Variants in PDE2A observed in about 807,000 individuals in gnomAD.
PDE2A encodes the protein phosphodiesterase 2A, also known as cGMP-dependent 3',5'-cyclic phosphodiesterase.
PDE2A carries 53 observed loss-of-function variants against 133.6 expected under a neutral mutation model. The observed-to-expected ratio is 0.40, with a 90% CI of 0.32 to 0.50. The LOEUF (loss-of-function observed/expected upper bound fraction) is 0.50, where lower values mean the gene tolerates loss of function less well. Ranked by LOEUF, PDE2A falls within the 20% of genes least tolerant of loss-of-function variation. The pLI, the probability that PDE2A is intolerant of heterozygous loss-of-function variation, is 0.73. For synonymous variants in PDE2A, 491 were observed against 490.2 expected (o/e 1.00, Z -0.02); for missense variants, 796 against 1,232.4 (o/e 0.65, Z 5.30).
At chr11:72,669,156 C>G (rs1591150221) in intron 1 of PDE2A, 1 of 163,170 alleles carries the variant, frequency 6.1e-6, no homozygotes, top group African/African-American at 2.4e-5. Flanking sequence ...GACCACACAG[C>G]TACAGAGTAA....
chr11:72,577,199 T>C lies in PDE2A; in HGVS notation c.*185A>G. The C allele has an allele frequency of 1.7e-6, 1 of 588,770 alleles. No homozygotes were observed. The highest frequency in any genetic ancestry group is 3.0e-6 in the Non-Finnish European group (1 of 331,586). 36.5% of individuals were successfully genotyped at this position (588,770 alleles called of 1,614,324 possible). On this transcript the variant is annotated 3_prime_UTR_variant, in exon 31 of 31. Coordinates refer to ENST00000334456, the MANE Select transcript of PDE2A (RefSeq NM_002599.5). ...AACAAATTACAAAGTCTCCGTGAGG[T>C]TGGAAGTCTTGCTTCCATTATACAG...
chr11:72,588,791 C>A lies in PDE2A; in HGVS notation c.1063G>T (p.Gly355Ter), dbSNP rs1354949298. The part of the protein sequence containing the change: ...ALACAFNKLE[G>*]DLFTDEDEHV... The stretch of plus-strand genomic sequence containing the variant: ...CATCCCACAAAGACTCACAAGTCTC[C>A]TTCTAGCTTGTTGAAGGCGCAGGCC... Residue 355 changes from glycine (G) to a stop codon, truncating the protein, a stop_gained, in exon 13 of 31, where the codon GGA (glycine) becomes TGA (stop). Transcript: ENST00000334456. LOFTEE classifies it high-confidence loss of function. 1 of 1,601,022 alleles carries A rather than the reference C, an allele frequency of 6.2e-7. No homozygotes were observed. The highest frequency in any genetic ancestry group is 2.2e-5 in the East Asian group (1 of 44,562).
At chr11:72,585,489 C>A (rs1408302271) in intron 15 of PDE2A, 55 bp from the exon 16 acceptor site, 3 of 1,610,932 alleles carry the variant, frequency 1.9e-6, no homozygotes, top group African/African-American at 1.3e-5. Context: ...GACCTCCCGC[C>A]TCTCCTCTGC....
At chr11:72,656,563 C>A (rs184612465) in intron 1 of PDE2A, among the ~76,000 whole-genome samples, 92 of 152,246 alleles carry the variant, frequency 6.0e-4, no homozygotes, top group African/African-American at 2.0e-3. Flanking sequence ...GGATGCTCAC[C>A]TCCACCCCAC....
At position 72,576,969 on chromosome 11, in the gene PDE2A, C is replaced by T. The variant is rs934794683; in HGVS notation, c.*415G>A. On this transcript the variant is annotated 3_prime_UTR_variant, in exon 31 of 31. Coordinates refer to ENST00000334456, the MANE Select transcript of PDE2A (RefSeq NM_002599.5). Reference sequence around the variant, plus strand: ...CACTCTGCTCACTCAGATGTCTCACCTTCCCCTTCCATGAGGATCCTGGAG... The same window carrying T: ...CACTCTGCTCACTCAGATGTCTCACTTTCCCCTTCCATGAGGATCCTGGAG... 3 of 193,468 alleles carry T rather than the reference C, an allele frequency of 1.6e-5. No homozygotes were observed. Among genetic ancestry groups the T allele is most frequent in the South Asian group, 2.8e-4 (2 of 7,134 alleles). 12.0% of individuals were successfully genotyped at this position (193,468 alleles called of 1,614,324 possible). A position where few individuals can be genotyped will look rare whatever the true frequency, so the allele number is the denominator to read the frequency against.
In PDE2A at chr11:72,583,465, G is replaced by A; in HGVS notation, c.1701C>T (p.Ala567=). ...TCATGTGGTACATCATCATCTCATT[G>A]GCCAGGTGGCTGCGATACTGAGCCT... ...VNEAQYRSHL[A]NEMMMYHMKV... The change falls in exon 20 of 31, where the codon GCC becomes GCT. Residue 567 remains alanine, a synonymous_variant. Coordinates refer to ENST00000334456, the MANE Select transcript of PDE2A (RefSeq NM_002599.5). 2 of 1,612,690 alleles carry A rather than the reference G, an allele frequency of 1.2e-6. No individual in the cohort carries two copies. The highest frequency in any genetic ancestry group is 1.1e-5 in the South Asian group (1 of 91,044).
At chr11:72,583,689 G>GA (rs1855824062) in intron 19 of PDE2A, 174 bp from the exon 20 acceptor site, 1 of 464,438 alleles carries the variant, frequency 2.2e-6, no homozygotes, top group Non-Finnish European at 3.7e-6. Context: ...CTTTCATCCA[G>GA]ACCCCGCGCC....
chr11:72,616,430 G>C (rs1857476587), intron 2 of PDE2A, among the ~76,000 whole-genome samples: 1 of 152,180 alleles, frequency 6.6e-6, no homozygotes, highest in South Asian at 2.1e-4. Flanking sequence ...ATTGTGTCCT[G>C]CCCCTCTCCA....
chr11:72,588,673 T>G (rs2135299643), intron 13 of PDE2A, 111 bp downstream of exon 13: 1 of 1,042,708 alleles, frequency 9.6e-7, no homozygotes, highest in South Asian at 1.8e-5. Context: ...AACCCACTGC[T>G]GCTGAGACAG....
intron 2 of PDE2A, among the ~76,000 whole-genome samples, chr11:72,617,054 G>A (rs918746736): frequency 6.6e-6 from 1 of 152,198 alleles, no homozygotes; most frequent in Non-Finnish European, 1.5e-5. Flanking sequence ...AGCCCTTTGG[G>A]CCACACTAGG....
In PDE2A at chr11:72,584,734, GGA is replaced by G; in HGVS notation, c.1360-8_1360-7del. The G allele has an allele frequency of 6.2e-7, 1 of 1,613,018 alleles. No homozygotes were observed. The highest frequency in any genetic ancestry group is 2.2e-5 in the East Asian group (1 of 44,882). ...GGGATGCGGATCTCATAGCTCTGCC[GGA>G]GCAGAGATGGAGTCGAGAGGAAGAA... On this transcript the variant is annotated splice_polypyrimidine_tract_variant and splice_region_variant and intron_variant, in intron 17 of 30. Transcript: ENST00000334456.
intron 1 of PDE2A, among the ~76,000 whole-genome samples, chr11:72,659,855 C>T (rs12363065): frequency 0.42 from 63,884 of 152,040 alleles, 14,927 homozygotes; most frequent in Middle Eastern, 0.66. Context: ...CACTTCCAGC[C>T]GATCCAACCC....
At chr11:72,582,280 T>C (rs371903) in intron 21 of PDE2A, 164 bp downstream of exon 21, 705,909 of 710,336 alleles carry the variant, frequency 0.99, 350,863 homozygotes, top group East Asian at 1. Context: ...GGGCAGGCCC[T>C]ATGGCTTCCT....
intron 2 of PDE2A, among the ~76,000 whole-genome samples, chr11:72,617,976 C>T (rs1857559947): frequency 1.3e-5 from 2 of 152,200 alleles, no homozygotes; most frequent in African/African-American, 4.8e-5. Context: ...GGGTCCCAGC[C>T]ACCATGCTCC....
intron 1 of PDE2A, among the ~76,000 whole-genome samples, chr11:72,667,038 G>A (rs1287864530): frequency 3.3e-5 from 5 of 152,086 alleles, no homozygotes; most frequent in African/African-American, 9.7e-5. Flanking sequence ...CCTGGGATGC[G>A]GAGGTTGCGG....
intron 21 of PDE2A, 138 bp downstream of exon 21, chr11:72,582,306 G>A (rs1441445230): frequency 7.3e-6 from 6 of 824,558 alleles, no homozygotes; most frequent in African/African-American, 3.4e-5. Flanking sequence ...CAGACTACAA[G>A]CCCCTCCATC....
chr11:72,625,651 G>A (rs1167961482), intron 2 of PDE2A, among the ~76,000 whole-genome samples: 1 of 152,144 alleles, frequency 6.6e-6, no homozygotes, highest in Non-Finnish European at 1.5e-5. Context: ...GAGAGAGGTG[G>A]AGGGCATTTG....
chr11:72,602,227 T>C (rs1856780251), intron 4 of PDE2A, among the ~76,000 whole-genome samples: 1 of 152,170 alleles, frequency 6.6e-6, no homozygotes, highest in Non-Finnish European at 1.5e-5. Flanking sequence ...GGGATGCAGC[T>C]GGGCATCTGA....
At chr11:72,657,837 T>C (rs1016771412) in intron 1 of PDE2A, 17 of 455,592 alleles carry the variant, frequency 3.7e-5, no homozygotes, top group Non-Finnish European at 5.7e-5. Flanking sequence ...CCCCCATCTG[T>C]TATGTGCACC....
Sources: allele counts gnomAD v4.1 joint callset (sites outside exome capture counted in the v4.1 genomes callset), GRCh38; gene constraint gnomAD v4.1.1; transcripts MANE v1.5; gene names NCBI Gene and HGNC (gene_info 2026-07-23, HGNC 2026-07-21).